CHD6: variants seen among roughly 807,000 people sequenced by gnomAD.
The protein encoded by CHD6 is ATP-dependent chromatin remodeler CHD6.
A neutral mutation model predicts 276.9 loss-of-function variants in CHD6; 50 were observed. The observed-to-expected ratio is 0.18, with a 90% CI of 0.14 to 0.23. The LOEUF is 0.23. Ranked by LOEUF, CHD6 falls within the 10% of genes least tolerant of loss-of-function variation. CHD6 has a pLI of 1.00. For missense variants in CHD6, 2,564 were observed against 3,365.8 expected (o/e 0.76, Z 5.89); for synonymous variants, 1,173 against 1,229.3 (o/e 0.95, Z 0.96).
intron 14 of CHD6, among the ~76,000 whole-genome samples, chr20:41,484,874 C>T (rs2043375498): frequency 1.3e-5 from 2 of 152,068 alleles, no homozygotes. Flanking sequence ...TAAAAGAGTA[C>T]CTATTCTCTA....
At chr20:41,500,133 T>TGAAA (rs2043796276) in intron 5 of CHD6, among the ~76,000 whole-genome samples, 1 of 152,188 alleles carries the variant, frequency 6.6e-6, no homozygotes, top group South Asian at 2.1e-4. Flanking sequence ...CAGTGGTTCA[T>TGAAA]ATGCACAATG....
intron 1 of CHD6, among the ~76,000 whole-genome samples, chr20:41,592,795 C>T (rs936908761): frequency 3.3e-5 from 5 of 152,114 alleles, no homozygotes; most frequent in Non-Finnish European, 7.4e-5. Flanking sequence ...TCCCAAGATT[C>T]CCTGTTTTAC....
chr20:41,566,367 G>A (rs1015793021), intron 1 of CHD6, among the ~76,000 whole-genome samples: 2 of 152,088 alleles, frequency 1.3e-5, no homozygotes, highest in Non-Finnish European at 2.9e-5. Flanking sequence ...ACTAGCTTTT[G>A]GGGGGAATGG....
At chr20:41,561,385 A>T (rs1185498720) in intron 1 of CHD6, among the ~76,000 whole-genome samples, 2 of 152,194 alleles carry the variant, frequency 1.3e-5, no homozygotes, top group African/African-American at 4.8e-5. Flanking sequence ...ATGAATCACT[A>T]ACTTCTCCTA....
rs1280508182 is a variant in CHD6 at position 41,425,218 on chromosome 20, T to C, written c.4306A>G (p.Thr1436Ala). Residue 1436 changes from threonine to alanine, a missense_variant, in exon 29 of 37, where the codon ACC becomes GCC. Thr to Ala is a moderately conservative substitution (Grantham distance 58, BLOSUM62 0). Around this residue, in one of 7 missense-constraint regions of CHD6, gnomAD observed 515 missense variants for 739.5 expected, o/e 0.70. Coordinates refer to ENST00000373233, the MANE Select transcript of CHD6 (RefSeq NM_032221.5). ...TTGTTGATGAGGTCCATTTCTGAGG[T>C]TCTCCTGAACATCTCTTCCTGAACC... ...YWVQEEMFRRTSEMDLINKEA... is the reference protein window; with the variant it reads ...YWVQEEMFRRASEMDLINKEA... 2.5e-6 allele frequency: 4 copies of C among 1,614,100 alleles called. No homozygotes were observed. In the Admixed American group the frequency reaches 6.7e-5, roughly 27 times the overall value.
chr20:41,444,782 C>G (rs1176461122), intron 25 of CHD6, among the ~76,000 whole-genome samples: 13 of 151,962 alleles, frequency 8.6e-5, no homozygotes, highest in Non-Finnish European at 5.9e-5. Flanking sequence ...TTAAACAACC[C>G]CTAGGTAGGC....
intron 25 of CHD6, among the ~76,000 whole-genome samples, chr20:41,440,954 G>A (rs1294713937): frequency 1.3e-5 from 2 of 152,126 alleles, no homozygotes; most frequent in Non-Finnish European, 2.9e-5. Flanking sequence ...TTTGGTTTTT[G>A]TTCTCGTATC....
At chr20:41,600,420 T>C (rs530415882) in intron 1 of CHD6, among the ~76,000 whole-genome samples, 1 of 151,576 alleles carries the variant, frequency 6.6e-6, no homozygotes, top group East Asian at 1.9e-4. Flanking sequence ...CTAAGCGGAG[T>C]AGGGTAGAGT....
intron 5 of CHD6, among the ~76,000 whole-genome samples, chr20:41,505,799 G>A (rs532938231): frequency 1.5e-4 from 23 of 152,016 alleles, no homozygotes; most frequent in Admixed American, 9.2e-4. Context: ...CCTCTCCCCT[G>A]GCAATAGCCT....
At chr20:41,564,437 C>T (rs1183485425) in intron 1 of CHD6, among the ~76,000 whole-genome samples, 1 of 152,090 alleles carries the variant, frequency 6.6e-6, no homozygotes, top group Non-Finnish European at 1.5e-5. Flanking sequence ...AGTCTATATA[C>T]TGTATGATTT....
At chr20:41,566,834 T>A (rs2045360519) in intron 1 of CHD6, among the ~76,000 whole-genome samples, 1 of 152,186 alleles carries the variant, frequency 6.6e-6, no homozygotes, top group Admixed American at 6.5e-5. Context: ...ATCTGCCCAG[T>A]GTTAGGTGTA....
At chr20:41,432,590 C>G (rs1396870155) in intron 27 of CHD6, among the ~76,000 whole-genome samples, 1 of 92,368 alleles carries the variant, frequency 1.1e-5, no homozygotes, top group African/African-American at 3.3e-5. Context: ...AAACAAGGTG[C>G]CCCCCCCGAC....
intron 1 of CHD6, among the ~76,000 whole-genome samples, chr20:41,564,400 T>A (rs1018308650): frequency 1.8e-4 from 28 of 152,210 alleles, no homozygotes; most frequent in African/African-American, 6.5e-4. Flanking sequence ...AAATGCATTA[T>A]GCTGAGTGAA....
intron 31 of CHD6, 91 bp from the exon 32 acceptor site, chr20:41,417,440 G>T: frequency 1.7e-6 from 2 of 1,172,316 alleles, no homozygotes; most frequent in Non-Finnish European, 2.4e-6. Context: ...TTTTCCTTTT[G>T]CTTTTTAAAT....
chr20:41,550,952 A>G (rs1448474665), intron 2 of CHD6, among the ~76,000 whole-genome samples: 1 of 152,240 alleles, frequency 6.6e-6, no homozygotes, highest in South Asian at 2.1e-4. Context: ...TAGTTTAACC[A>G]AAAATCCAGA....
chr20:41,597,501 T>C (rs1263079020), intron 1 of CHD6, among the ~76,000 whole-genome samples: 1 of 152,120 alleles, frequency 6.6e-6, no homozygotes, highest in East Asian at 1.9e-4. Context: ...CTGGAGATCA[T>C]GTCCTTATCA....
intron 1 of CHD6, among the ~76,000 whole-genome samples, chr20:41,599,999 G>A (rs2045757787): frequency 6.6e-6 from 1 of 152,224 alleles, no homozygotes; most frequent in African/African-American, 2.4e-5. Flanking sequence ...GTGTGCTCTT[G>A]TGATCAGACA....
intron 17 of CHD6, among the ~76,000 whole-genome samples, chr20:41,470,903 C>T (rs950794812): frequency 3.3e-5 from 5 of 152,238 alleles, no homozygotes; most frequent in African/African-American, 1.2e-4. Flanking sequence ...ACTGATCCTC[C>T]TGGATATCGC....
chr20:41,508,928 G>A (rs532543002), intron 5 of CHD6, among the ~76,000 whole-genome samples: 2 of 152,066 alleles, frequency 1.3e-5, no homozygotes, highest in Non-Finnish European at 2.9e-5. Flanking sequence ...TTTATATAAT[G>A]AGTTTTAAAC....
Sources: allele counts gnomAD v4.1 joint callset (sites outside exome capture counted in the v4.1 genomes callset), GRCh38; gene constraint gnomAD v4.1.1; regional missense constraint gnomAD v4.1.1; transcripts MANE v1.5; gene names NCBI Gene and HGNC (gene_info 2026-07-23, HGNC 2026-07-21).